The following LHFPL6 variants were observed in gnomAD, a reference collection of about 807,000 sequenced individuals.
The protein encoded by LHFPL6 is LHFPL tetraspan subfamily member 6.
Under a neutral mutation model 20.6 loss-of-function variants are expected in LHFPL6, and 9 were observed. That is an observed-to-expected ratio of 0.44 (90% confidence interval 0.26 to 0.76). The LOEUF is 0.76. Among genes scored for constraint, LHFPL6 ranks in the 30% least tolerant of loss-of-function variants. The pLI is 0.20. For synonymous variants in LHFPL6, 105 were observed against 98.7 expected (o/e 1.06, Z -0.38); for missense variants, 218 against 253.5 (o/e 0.86, Z 0.95).
chr13:39,351,013 C>T (rs1869556484), intron 3 of LHFPL6, among the ~76,000 whole-genome samples: 1 of 152,198 alleles, frequency 6.6e-6, no homozygotes, highest in Non-Finnish European at 1.5e-5. Flanking sequence ...TTTAAGGACA[C>T]TGGAGTTTAA....
intron 2 of LHFPL6, among the ~76,000 whole-genome samples, chr13:39,440,372 T>C (rs186177886): frequency 9.1e-4 from 139 of 152,256 alleles, no homozygotes; most frequent in African/African-American, 3.3e-3. Flanking sequence ...CTTATGCCAG[T>C]AATTTAAGCC....
rs193277611 is a variant in LHFPL6 at position 39,430,035 on chromosome 13, G to A, written c.386-51509C>T. ...TTCAACTTCATAACTTAATAATGCC[G>A]TAGGGCTCAGGGCTCAGCCCTTGGG... On this transcript the variant is annotated intron_variant, in intron 2 of 3. Transcript: ENST00000379589. 4.5e-4 allele frequency among the ~76,000 whole-genome samples: 68 copies of A among 152,222 alleles called. No individual in the cohort carries two copies. The East Asian group carries it at 9.8e-3, about 22-fold the overall frequency.
chr13:39,540,003 A>C (rs1870746321), intron 2 of LHFPL6, among the ~76,000 whole-genome samples: 1 of 152,188 alleles, frequency 6.6e-6, no homozygotes, highest in South Asian at 2.1e-4. Flanking sequence ...ATAAGTAAAA[A>C]CTGAGAGAAA....
intron 2 of LHFPL6, among the ~76,000 whole-genome samples, chr13:39,542,448 A>C (rs1310918747): frequency 6.6e-6 from 1 of 152,230 alleles, no homozygotes; most frequent in African/African-American, 2.4e-5. Flanking sequence ...CAATGACAAT[A>C]TAAGCACAGA....
rs140052892 is a variant in LHFPL6 at position 39,420,476 on chromosome 13, C to G, written c.386-41950G>C. 1.8e-4 allele frequency among the ~76,000 whole-genome samples: 27 copies of G among 152,278 alleles called. No individual in the cohort carries two copies. In the East Asian group the frequency reaches 4.4e-3, roughly 25 times the overall value. On this transcript the variant is annotated intron_variant, in intron 2 of 3. Transcript: ENST00000379589. ...CAGCCAGAAACTGGGAACAACCACA[C>G]CGGTTTCCTTAATGTATCAAAATGA... is the stretch of plus-strand genomic sequence containing the variant.
At position 39,430,973 on chromosome 13, in the gene LHFPL6, TG is replaced by T. The variant is rs111374651; in HGVS notation, c.386-52448del. ...ATAAATCTTGCTGCTGCTCACTCTT[TG>T]GGTCTGCACTACCTTTATGAGCTGT... On this transcript the variant is annotated intron_variant, in intron 2 of 3. Transcript: ENST00000379589. Among the ~76,000 whole-genome samples, 1,178 of 152,316 alleles carry T rather than the reference TG, an allele frequency of 7.7e-3. 11 individuals are homozygous for T. Among genetic ancestry groups the T allele is most frequent in the African/African-American group, 0.024 (993 of 41,568 alleles).
intron 2 of LHFPL6, among the ~76,000 whole-genome samples, chr13:39,587,782 A>C (rs944766715): frequency 1.3e-5 from 2 of 152,044 alleles, no homozygotes; most frequent in Non-Finnish European, 2.9e-5. Flanking sequence ...GATAGGAGTG[A>C]TATTGACAGA....
chr13:39,472,849 G>T (rs1872983021), intron 2 of LHFPL6, among the ~76,000 whole-genome samples: 2 of 152,170 alleles, frequency 1.3e-5, no homozygotes, highest in Admixed American at 1.3e-4. Context: ...GACCTCAGGT[G>T]GTCCACCCGC....
At chr13:39,582,377 C>T (rs1201314749) in intron 2 of LHFPL6, among the ~76,000 whole-genome samples, 1 of 152,162 alleles carries the variant, frequency 6.6e-6, no homozygotes, top group Admixed American at 6.5e-5. Context: ...AATTGTAGTC[C>T]AGTGAGACTT....
At chr13:39,466,323 T>C (rs964568319) in intron 2 of LHFPL6, among the ~76,000 whole-genome samples, 2 of 152,174 alleles carry the variant, frequency 1.3e-5, no homozygotes, top group Non-Finnish European at 2.9e-5. Flanking sequence ...AAGAGGAATA[T>C]CTCCCAATTT....
intron 2 of LHFPL6, among the ~76,000 whole-genome samples, chr13:39,493,006 T>C (rs926428589): frequency 9.2e-5 from 14 of 152,120 alleles, no homozygotes; most frequent in South Asian, 6.2e-4. Context: ...ACAATTTTAA[T>C]AGCTGTATAA....
Position 39,361,024 on chromosome 13 carries a change from G to T in LHFPL6, c.485-16970C>A, listed in dbSNP as rs1343059115. On this transcript the variant is annotated intron_variant, in intron 3 of 3. Coordinates refer to ENST00000379589, the MANE Select transcript of LHFPL6 (RefSeq NM_005780.3). ...ATGGTGCCGGCCATCATCAACACAA[G>T]AATTTACCAGAAAATACCTATATGA... Among the ~76,000 whole-genome samples, 4 of 96,290 alleles carry T rather than the reference G, an allele frequency of 4.2e-5. 1 individual carries two copies. Among genetic ancestry groups the T allele is most frequent in the African/African-American group, 1.2e-4 (4 of 32,910 alleles). The allele number at this position is 96,290 out of a possible 152,430, so 63.2% of individuals were successfully genotyped here.
At chr13:39,461,647 A>C (rs2138429218) in intron 2 of LHFPL6, among the ~76,000 whole-genome samples, 1 of 152,268 alleles carries the variant, frequency 6.6e-6, no homozygotes, top group South Asian at 2.1e-4. Context: ...TGCTAAGGCT[A>C]GTCTATGCCC....
At chr13:39,422,091 T>C (rs1042322168) in intron 2 of LHFPL6, among the ~76,000 whole-genome samples, 6 of 152,216 alleles carry the variant, frequency 3.9e-5, no homozygotes, top group African/African-American at 1.4e-4. Context: ...GATTTTGTTA[T>C]TTCATTGTAT....
At chr13:39,448,911 T>G (rs1358164447) in intron 2 of LHFPL6, among the ~76,000 whole-genome samples, 1 of 152,230 alleles carries the variant, frequency 6.6e-6, no homozygotes, top group African/African-American at 2.4e-5. Context: ...CTGGGGAAAC[T>G]GGCCAATTGA....
chr13:39,414,427 T>C (rs1056540039), intron 2 of LHFPL6, among the ~76,000 whole-genome samples: 3 of 152,182 alleles, frequency 2.0e-5, no homozygotes, highest in African/African-American at 7.2e-5. Context: ...TATCTTGTCA[T>C]TTTTCAGGAA....
chr13:39,561,262 A>G (rs1370188386), intron 2 of LHFPL6, among the ~76,000 whole-genome samples: 22 of 151,450 alleles, frequency 1.5e-4, no homozygotes, highest in Non-Finnish European at 4.4e-5. Context: ...TTACTTGTCA[A>G]CCTCTCCCTA....
At chr13:39,484,043 T>C (rs1371380688) in intron 2 of LHFPL6, among the ~76,000 whole-genome samples, 1 of 152,174 alleles carries the variant, frequency 6.6e-6, no homozygotes. Flanking sequence ...AAGTATTGGC[T>C]CTTCTCAAAT....
At chr13:39,482,906 T>C (rs953345564) in intron 2 of LHFPL6, among the ~76,000 whole-genome samples, 1 of 152,198 alleles carries the variant, frequency 6.6e-6, no homozygotes, top group Non-Finnish European at 1.5e-5. Context: ...TTCACTGTTG[T>C]AGCACAAGGT....
Sources: gnomAD v4.1 joint callset for allele counts (sites outside exome capture counted in the v4.1 genomes callset) on GRCh38, gnomAD v4.1.1 for gene constraint, MANE v1.5 for transcripts, NCBI Gene and HGNC (gene_info 2026-07-23, HGNC 2026-07-21) for gene names.